Variants in ZNF230 observed in about 807,000 individuals in gnomAD.
ZNF230 encodes zinc finger protein 230.
ZNF230 carries 12 observed loss-of-function variants against 10.0 expected under a neutral mutation model. The observed-to-expected ratio is 1.20, with a 90% CI of 0.77 to 1.95. ZNF230 has a LOEUF of 1.95. Among genes scored for constraint, ZNF230 ranks in the 30% most tolerant of loss-of-function variants. The probability of loss-of-function intolerance (pLI) is 0.00; values close to 1 mark genes in which losing one functional copy is unlikely to be tolerated. For missense variants in ZNF230, 532 were observed against 565.8 expected, an observed-to-expected ratio of 0.94 and a Z score of 0.61; for synonymous variants, 174 against 193.6, an observed-to-expected ratio of 0.90 and a Z score of 0.84.
chr19:44,012,057 T>TAG lies in ZNF230; in HGVS notation c.*593_*594insAG. 5.1e-6 allele frequency: 1 copy of TAG among 196,002 alleles called. No individual in the cohort carries two copies. The highest frequency in any genetic ancestry group is 1.0e-5 in the Non-Finnish European group (1 of 95,498). The allele number at this position is 196,002 out of a possible 1,614,324, so 12.1% of individuals were successfully genotyped here. A position where few individuals can be genotyped will look rare whatever the true frequency, so the allele number is the denominator to read the frequency against. ...TGAACATGGTAGTGTAGATATCTGATCCACATACTGATTTCCTTTGCTTTG... is the reference window on the plus strand; with the variant it reads ...TGAACATGGTAGTGTAGATATCTGATAGCCACATACTGATTTCCTTTGCTTTG... On this transcript the variant is annotated 3_prime_UTR_variant, in exon 5 of 5. Transcript: ENST00000429154.
rs776625713 is a variant in ZNF230, at chr19:44,010,859, C to T, written c.820C>T (p.His274Tyr). The T allele has an allele frequency of 6.2e-7, 1 of 1,614,212 alleles. No individual in the cohort carries two copies. The highest frequency in any genetic ancestry group is 8.5e-7 in the Non-Finnish European group (1 of 1,180,032). The change falls in exon 5 of 5, where the codon CAT (histidine) becomes TAT (tyrosine). Residue 274 changes from histidine to tyrosine, a missense_variant. Transcript: ENST00000429154. ...DFQLQKHQIIHTGEKPFKCEI... is the reference protein window; with the variant it reads ...DFQLQKHQIIYTGEKPFKCEI... ...CCAGCTTCAGAAACATCAGATAATT[C>T]ATACTGGGGAGAAGCCGTTCAAATG...
At chr19:44,003,168 G>T (rs1217210409) in intron 1 of ZNF230, 61 bp downstream of exon 1, 1 of 152,202 alleles carries the variant, frequency 6.6e-6, no homozygotes, top group Non-Finnish European at 1.5e-5. Context: ...TGGGATGGGG[G>T]TGCTGTGCTC....
chr19:44,011,644 C>A lies in ZNF230; in HGVS notation c.*180C>A. 1 of 666,206 alleles carries A rather than the reference C, an allele frequency of 1.5e-6. No individual in the cohort carries two copies. The highest frequency in any genetic ancestry group is 2.4e-6 in the Non-Finnish European group (1 of 417,082). The allele number at this position is 666,206 out of a possible 1,614,324, so 41.3% of individuals were successfully genotyped here. A position where few individuals can be genotyped will look rare whatever the true frequency, so the allele number is the denominator to read the frequency against. On this transcript the variant is annotated 3_prime_UTR_variant, in exon 5 of 5. Coordinates refer to ENST00000429154, the MANE Select transcript of ZNF230 (RefSeq NM_006300.4). ...ACAATAAATTATTGTTGATTATAGT[C>A]ACCTTTGGTGCTTTAGAACACTAGA...
At chr19:44,003,860 G>A (rs1027673950) in intron 1 of ZNF230, 5 of 153,192 alleles carry the variant, frequency 3.3e-5, no homozygotes, top group African/African-American at 1.2e-4. Flanking sequence ...CATTCTAAGT[G>A]CTTTATACAA....
chr19:44,010,572 G>A lies in ZNF230; in HGVS notation c.533G>A (p.Cys178Tyr). Residue 178 changes from cysteine (C) to tyrosine (Y), a missense_variant, in exon 5 of 5, where the codon TGT (cysteine) becomes TAT (tyrosine). By Grantham distance (194) the Cys-to-Tyr change is radical (BLOSUM62 -2). Transcript: ENST00000429154. ...TGCAATGAGTGTGGAAAAAGCTTCT[G>A]TTACATCTCAGCTCTTCGTATTCAC... is the stretch of plus-strand genomic sequence containing the variant. ...HTCNECGKSF[C>Y]YISALRIHQR... The A allele has an allele frequency of 6.2e-7, 1 of 1,614,222 alleles. No individual in the cohort carries two copies. The highest frequency in any genetic ancestry group is 8.5e-7 in the Non-Finnish European group (1 of 1,180,026).
At position 44,011,065 on chromosome 19, in the gene ZNF230, G is replaced by A. The variant is rs1407067721; in HGVS notation, c.1026G>A (p.Gly342=). 1 of 1,614,182 alleles carries A rather than the reference G, an allele frequency of 6.2e-7. No individual in the cohort carries two copies. Among genetic ancestry groups the A allele is most frequent in the South Asian group, 1.1e-5 (1 of 91,086 alleles). The change falls in exon 5 of 5, where the codon GGG becomes GGA. Residue 342 remains glycine (G), a synonymous_variant. Transcript: ENST00000429154. ...AACCGTACAATTGTAAAGAATGTGG[G>A]AAGAGCTTCAGATGGTCCTCATATC... ...GQKPYNCKEC[G]KSFRWSSYLL...
At position 44,008,890 on chromosome 19, in the gene ZNF230, A is replaced by G. The variant is rs1165895767; in HGVS notation, c.116A>G (p.Glu39Gly). ...AAGCTGTACCAAGACGTGATGCTTG[A>G]GAACTTCACGAACCTGCTGTCAGTG... ...QRKLYQDVML[E>G]NFTNLLSVGH... The change falls in exon 3 of 5, where the codon GAG becomes GGG. Residue 39 changes from glutamate (E) to glycine (G), a missense_variant. Physicochemically the swap from Glu to Gly is moderately conservative, Grantham distance 98. Coordinates refer to ENST00000429154, the MANE Select transcript of ZNF230 (RefSeq NM_006300.4). 5 of 1,614,018 alleles carry G rather than the reference A, an allele frequency of 3.1e-6. No individual in the cohort carries two copies. The highest frequency in any genetic ancestry group is 4.2e-6 in the Non-Finnish European group (5 of 1,179,998).
rs1027786872 is a variant in ZNF230, at chr19:44,008,856, G to T, written c.82G>T (p.Ala28Ser). ...TEEELGLLDP[A>S]QRKLYQDVML... ...GGAGGAACTGGGGCTACTGGACCCTGCCCAGAGGAAGCTGTACCAAGACGT... is the reference window on the plus strand; with the variant it reads ...GGAGGAACTGGGGCTACTGGACCCTTCCCAGAGGAAGCTGTACCAAGACGT... The change falls in exon 3 of 5, where the codon GCC becomes TCC. Residue 28 changes from alanine to serine, a missense_variant. Ala to Ser is a moderately conservative substitution (Grantham distance 99). Transcript: ENST00000429154. 7 of 1,614,066 alleles carry T rather than the reference G, an allele frequency of 4.3e-6. No homozygotes were observed. The highest frequency in any genetic ancestry group is 5.9e-6 in the Non-Finnish European group (7 of 1,179,992).
chr19:44,010,415 G>A lies in ZNF230; in HGVS notation c.376G>A (p.Val126Ile). 6.2e-7 allele frequency: 1 copy of A among 1,614,212 alleles called. No individual in the cohort carries two copies. Among genetic ancestry groups the A allele is most frequent in the Non-Finnish European group, 8.5e-7 (1 of 1,180,030 alleles). The change falls in exon 5 of 5, where the codon GTT becomes ATT. Residue 126 changes from valine to isoleucine, a missense_variant. Physicochemically the swap from Val to Ile is conservative, Grantham distance 29. Transcript: ENST00000429154. ...TGAACAAGGTGATGTCCCCTCCCAG[G>A]TTGAGGCAGGACTATCTATAATTCA... ...FFEQGDVPSQVEAGLSIIHTG... is the reference protein window; with the variant it reads ...FFEQGDVPSQIEAGLSIIHTG...
At position 44,011,546 on chromosome 19, in the gene ZNF230, A is replaced by T; in HGVS notation, c.*82A>T. ...ATGATCAAATTGATGTAATTAGTGT[A>T]TTACCTTAAACAATTAACATTTCTT... On this transcript the variant is annotated 3_prime_UTR_variant, in exon 5 of 5. Coordinates refer to ENST00000429154, the MANE Select transcript of ZNF230 (RefSeq NM_006300.4). 1 of 1,320,216 alleles carries T rather than the reference A, an allele frequency of 7.6e-7. No homozygotes were observed. The highest frequency in any genetic ancestry group is 1.0e-6 in the Non-Finnish European group (1 of 970,214). The allele number at this position is 1,320,216 out of a possible 1,614,324, so 81.8% of individuals were successfully genotyped here.
rs767743066 is a variant in ZNF230 at position 44,010,812 on chromosome 19, G to T, written c.773G>T (p.Gly258Val). The change falls in exon 5 of 5, where the codon GGG (glycine) becomes GTG (valine). Residue 258 changes from glycine to valine, a missense_variant. Coordinates refer to ENST00000429154, the MANE Select transcript of ZNF230 (RefSeq NM_006300.4). ...AAACCTTATATTTGTGAGAAATGTG[G>T]GAGGGCCTTCATTCACGATTTCCAG... ...GEKPYICEKC[G>V]RAFIHDFQLQ... 8.7e-6 allele frequency: 14 copies of T among 1,614,062 alleles called. No individual in the cohort carries two copies. In the South Asian group the frequency reaches 1.5e-4, roughly 18 times the overall value.
Position 44,010,281 on chromosome 19 carries a change from T to G in ZNF230, c.242T>G (p.Ile81Ser). The change falls in exon 5 of 5, where the codon ATT becomes AGT. Residue 81 changes from isoleucine to serine, a missense_variant. Ile to Ser is a moderately radical substitution (Grantham distance 142). Coordinates refer to ENST00000429154, the MANE Select transcript of ZNF230 (RefSeq NM_006300.4). ...QREGNSGGKT[I>S]AEAGPHEDCP... ...TGTGTCCTTATAGGCGGCAAGACTA[T>G]TGCGGAAGCAGGACCACATGAAGAC... 6.2e-7 allele frequency: 1 copy of G among 1,607,080 alleles called. No individual in the cohort carries two copies. Among genetic ancestry groups the G allele is most frequent in the Non-Finnish European group, 8.5e-7 (1 of 1,175,922 alleles).
intron 2 of ZNF230, among the ~76,000 whole-genome samples, chr19:44,008,482 G>GCTGGGGCAA: frequency 6.6e-6 from 1 of 152,328 alleles, no homozygotes; most frequent in Middle Eastern, 3.4e-3. Flanking sequence ...GCTCATTGTT[G>GCTGGGGCAA]CTGGGGCAAC....
chr19:44,011,636 A>C lies in ZNF230; in HGVS notation c.*172A>C. 2.8e-6 allele frequency: 2 copies of C among 714,486 alleles called. No homozygotes were observed. Among genetic ancestry groups the C allele is most frequent in the Non-Finnish European group, 4.4e-6 (2 of 457,278 alleles). 44.3% of individuals were successfully genotyped at this position (714,486 alleles called of 1,614,324 possible). A position where few individuals can be genotyped will look rare whatever the true frequency, so the allele number is the denominator to read the frequency against. ...GAAAAGAAACAATAAATTATTGTTG[A>C]TTATAGTCACCTTTGGTGCTTTAGA... On this transcript the variant is annotated 3_prime_UTR_variant, in exon 5 of 5. Coordinates refer to ENST00000429154, the MANE Select transcript of ZNF230 (RefSeq NM_006300.4).
Position 44,011,906 on chromosome 19 carries a change from T to TTTTG in ZNF230, c.*446_*449dup, listed in dbSNP as rs1976189274. ...ATCTATGTTGCCACAAATGACACAATTTTGTTTTCTTTTTATGCCCAAAGA... is the reference window on the plus strand; with the variant it reads ...ATCTATGTTGCCACAAATGACACAATTTTGTTTGTTTTCTTTTTATGCCCAAAGA... On this transcript the variant is annotated 3_prime_UTR_variant, in exon 5 of 5. Transcript: ENST00000429154. 1 of 181,432 alleles carries TTTTG rather than the reference T, an allele frequency of 5.5e-6. No individual in the cohort carries two copies. Among genetic ancestry groups the TTTTG allele is most frequent in the South Asian group, 1.1e-4 (1 of 9,092 alleles). 11.2% of individuals were successfully genotyped at this position (181,432 alleles called of 1,614,324 possible). A position where few individuals can be genotyped will look rare whatever the true frequency, so the allele number is the denominator to read the frequency against.
chr19:44,011,333 C>T lies in ZNF230; in HGVS notation c.1294C>T (p.Arg432Trp), dbSNP rs376366730. The change falls in exon 5 of 5, where the codon CGG becomes TGG. Residue 432 changes from arginine (R) to tryptophan (W), a missense_variant. Arg to Trp is a moderately radical substitution (Grantham distance 101). Transcript: ENST00000429154. ...GGATTGTGGAAAGAGGCTTGTACAC[C>T]GGTCTTTCTGTAAAGACCAACAAGG... is the stretch of plus-strand genomic sequence containing the variant. ...CEDCGKRLVH[R>W]SFCKDQQGDH... The T allele has an allele frequency of 3.2e-5, 51 of 1,613,868 alleles. No individual in the cohort carries two copies. The highest frequency in any genetic ancestry group is 1.2e-4 in the Admixed American group (7 of 59,992).
chr19:44,006,360 A>C (rs897029954), intron 1 of ZNF230, among the ~76,000 whole-genome samples: 2 of 152,218 alleles, frequency 1.3e-5, no homozygotes, highest in Non-Finnish European at 2.9e-5. Flanking sequence ...ATGAACTTCT[A>C]GTTCTCTTCA....
chr19:44,003,574 C>T (rs1227644899), intron 1 of ZNF230: 1 of 154,002 alleles, frequency 6.5e-6, no homozygotes, highest in African/African-American at 2.4e-5. Context: ...GCCTTCTGAC[C>T]TCTTTTTAGG....
At chr19:44,008,719 C>A in intron 2 of ZNF230, 71 bp from the exon 3 acceptor site, 1 of 1,553,430 alleles carries the variant, frequency 6.4e-7, no homozygotes, top group Non-Finnish European at 8.7e-7. Flanking sequence ...TCCTCTCCGC[C>A]TGCTCAATGC....
Sources: gnomAD v4.1 joint callset for allele counts (sites outside exome capture counted in the v4.1 genomes callset) on GRCh38, gnomAD v4.1.1 for gene constraint, MANE v1.5 for transcripts, NCBI Gene and HGNC (gene_info 2026-07-23, HGNC 2026-07-21) for gene names.